MYCBP2: variants seen among roughly 807,000 people sequenced by gnomAD.
MYCBP2 encodes MYC binding protein 2, also known as E3 ubiquitin-protein ligase MYCBP2.
In MYCBP2, 120 loss-of-function variants were observed where a neutral mutation model predicts 525.3. The observed-to-expected ratio is 0.23, with a 90% CI of 0.20 to 0.27. The LOEUF (loss-of-function observed/expected upper bound fraction) is 0.27, where lower values mean the gene tolerates loss of function less well. MYCBP2 is among the 10% of genes least tolerant of loss of function. The probability of loss-of-function intolerance (pLI) is 1.00; values close to 1 mark genes in which losing one functional copy is unlikely to be tolerated. For missense variants in MYCBP2, 4,149 were observed against 5,657.1 expected (o/e 0.73, Z 8.55); for synonymous variants, 1,894 against 1,955.8 (o/e 0.97, Z 0.83).
chr13:77,084,664 C>T lies in MYCBP2; in HGVS notation c.10876-1472G>A, dbSNP rs552612589. On this transcript the variant is annotated intron_variant, in intron 62 of 82. Coordinates refer to ENST00000544440, the MANE Select transcript of MYCBP2 (RefSeq NM_015057.5). ...AAGGGCATGCCAGGAGTATTCATCA[C>T]GCTCACCCCACCTCTGGTTGGACTA... Among the ~76,000 whole-genome samples, 29 of 152,158 alleles carry T rather than the reference C, an allele frequency of 1.9e-4. No homozygotes were observed. The South Asian group carries it at 3.5e-3, about 19-fold the overall frequency.
At chr13:77,264,124 CTG>C in intron 8 of MYCBP2, 122 bp from the exon 9 acceptor site, 1 of 607,614 alleles carries the variant, frequency 1.6e-6, no homozygotes. Flanking sequence ...CAAAAGGAGA[CTG>C]TGCTTTTTAA....
chr13:77,188,857 C>T, intron 30 of MYCBP2, 94 bp downstream of exon 30: 2 of 726,132 alleles, frequency 2.8e-6, no homozygotes, highest in Admixed American at 3.1e-5. Flanking sequence ...TAAATCTAGG[C>T]TAAGATAAAC....
chr13:77,138,789 A>T (rs920789668), intron 52 of MYCBP2, among the ~76,000 whole-genome samples: 1 of 152,234 alleles, frequency 6.6e-6, no homozygotes, highest in African/African-American at 2.4e-5. Flanking sequence ...ACTATCTGCA[A>T]AATGTGAACA....
intron 4 of MYCBP2, among the ~76,000 whole-genome samples, chr13:77,275,053 T>A (rs999598952): frequency 7.9e-5 from 12 of 152,174 alleles, no homozygotes; most frequent in Non-Finnish European, 1.0e-4. Flanking sequence ...AGTACATCTG[T>A]TGATTATTCA....
In MYCBP2 at chr13:77,273,389, G is replaced by C. The variant is rs1046477500; in HGVS notation, c.945+83C>G. The C allele has an allele frequency of 9.0e-6, 11 of 1,224,488 alleles. No homozygotes were observed. The African/African-American group carries it at 1.7e-4, about 19-fold the overall frequency. 75.9% of individuals were successfully genotyped at this position (1,224,488 alleles called of 1,614,324 possible). A position where few individuals can be genotyped will look rare whatever the true frequency, so the allele number is the denominator to read the frequency against. ...AAGCTACTGTAATGAGTGAGAAAAA[G>C]CAGAATTCCTATTGACAGAAATTGA... On this transcript the variant is annotated intron_variant, in intron 5 of 82. Transcript: ENST00000544440.
intron 18 of MYCBP2, 82 bp from the exon 19 acceptor site, chr13:77,225,636 G>A: frequency 1.3e-6 from 2 of 1,517,082 alleles, no homozygotes; most frequent in East Asian, 4.6e-5. Context: ...TATTATGGAA[G>A]AACAAGAGAA....
At chr13:77,121,956 C>A (rs2050782184) in intron 54 of MYCBP2, among the ~76,000 whole-genome samples, 1 of 151,640 alleles carries the variant, frequency 6.6e-6, no homozygotes, top group South Asian at 2.1e-4. Flanking sequence ...GTTAACTGTT[C>A]TAAGTTATGA....
In MYCBP2 at chr13:77,270,050, T is replaced by C; in HGVS notation, c.1202A>G (p.Asn401Ser). ...YSGTVRGHIYNSTSRIRNRKE... is the reference protein window; with the variant it reads ...YSGTVRGHIYSSTSRIRNRKE... Reference sequence around the variant, plus strand: ...TCTGTTTCTAATACGGGATGTAGAATTGTATATATGGCCCTGCAAAAAAAA... The same window carrying C: ...TCTGTTTCTAATACGGGATGTAGAACTGTATATATGGCCCTGCAAAAAAAA... Residue 401 changes from asparagine to serine, a missense_variant, in exon 7 of 83, where the codon AAT becomes AGT. By Grantham distance (46) the Asn-to-Ser change is conservative (BLOSUM62 1). This residue lies in a region of MYCBP2 where 262 missense variants were observed against 419.3 expected (regional missense o/e 0.62). Coordinates refer to ENST00000544440, the MANE Select transcript of MYCBP2 (RefSeq NM_015057.5). 1 of 1,611,746 alleles carries C rather than the reference T, an allele frequency of 6.2e-7. No homozygotes were observed. The highest frequency in any genetic ancestry group is 8.5e-7 in the Non-Finnish European group (1 of 1,179,240).
intron 7 of MYCBP2, among the ~76,000 whole-genome samples, chr13:77,268,470 C>G (rs982917291): frequency 3.3e-5 from 5 of 152,142 alleles, no homozygotes; most frequent in Non-Finnish European, 7.4e-5. Flanking sequence ...TACTGAGAAA[C>G]TAATTTGTTA....
intron 48 of MYCBP2, 24 bp downstream of exon 48, chr13:77,146,138 A>T (rs1315812316): frequency 1.1e-5 from 17 of 1,528,942 alleles, no homozygotes; most frequent in Non-Finnish European, 1.5e-5. Flanking sequence ...TGTTTTGGTT[A>T]TACTTTGAGA....
At position 77,144,479 on chromosome 13, in the gene MYCBP2, G is replaced by A. The variant is rs758032337; in HGVS notation, c.7269C>T (p.Tyr2423=). 2 of 1,613,548 alleles carry A rather than the reference G, an allele frequency of 1.2e-6. No homozygotes were observed. The highest frequency in any genetic ancestry group is 1.7e-6 in the Non-Finnish European group (2 of 1,179,538). ...TGCCATCAATGGTAACATGAAGAGT[G>A]TAGAGTCCAATAGCCCCTGGAGTCC... The part of the protein sequence containing the change: ...ANWTPGAIGL[Y]TLHVTIDGIE... Residue 2423 remains tyrosine, a synonymous_variant, in exon 49 of 83, where the codon TAC becomes TAT. Coordinates refer to ENST00000544440, the MANE Select transcript of MYCBP2 (RefSeq NM_015057.5).
At chr13:77,322,434 A>G (rs1162527234) in intron 1 of MYCBP2, among the ~76,000 whole-genome samples, 1 of 152,136 alleles carries the variant, frequency 6.6e-6, no homozygotes, top group Admixed American at 6.5e-5. Context: ...TTTTTACCAT[A>G]TAGTCAAACA....
chr13:77,260,666 T>TAAA, intron 12 of MYCBP2, 74 bp from the exon 13 acceptor site: 1 of 1,148,978 alleles, frequency 8.7e-7, no homozygotes, highest in Non-Finnish European at 1.2e-6. Flanking sequence ...TATATAAAGC[T>TAAA]AAAAAAAAAA....
At chr13:77,284,861 A>T (rs1252226010) in intron 3 of MYCBP2, among the ~76,000 whole-genome samples, 3 of 152,182 alleles carry the variant, frequency 2.0e-5, no homozygotes, top group Non-Finnish European at 4.4e-5. Context: ...CAATCTATAG[A>T]TGACAAAACT....
Position 77,180,168 on chromosome 13 carries a change from T to C in MYCBP2, c.5092A>G (p.Ser1698Gly). The change falls in exon 34 of 83, where the codon AGC becomes GGC. Residue 1698 changes from serine (S) to glycine (G), a missense_variant. Physicochemically the swap from Ser to Gly is moderately conservative, Grantham distance 56 (BLOSUM62 0). Coordinates refer to ENST00000544440, the MANE Select transcript of MYCBP2 (RefSeq NM_015057.5). ...GACGCTGTCAGTTCACTGACAATGCTGGCCAGTAATCCACAGGTGTTAGAG... is the reference window on the plus strand; with the variant it reads ...GACGCTGTCAGTTCACTGACAATGCCGGCCAGTAATCCACAGGTGTTAGAG... ...LVSNTCGLLA[S>G]IVSELTASAL... The C allele has an allele frequency of 6.2e-7, 1 of 1,614,106 alleles. No individual in the cohort carries two copies. Among genetic ancestry groups the C allele is most frequent in the Non-Finnish European group, 8.5e-7 (1 of 1,179,974 alleles).
At position 77,189,444 on chromosome 13, in the gene MYCBP2, C is replaced by T. The variant is rs146865501; in HGVS notation, c.4155-397G>A. On this transcript the variant is annotated intron_variant, in intron 29 of 82. Coordinates refer to ENST00000544440, the MANE Select transcript of MYCBP2 (RefSeq NM_015057.5). Reference sequence around the variant, plus strand: ...TAGAGCTACATATTACAAACAGTAACTATAACAGATTGCACGGTGCATAAA... The same window carrying T: ...TAGAGCTACATATTACAAACAGTAATTATAACAGATTGCACGGTGCATAAA... Among the ~76,000 whole-genome samples the T allele has an allele frequency of 1.5e-3, 232 of 152,146 alleles. 2 individuals carry two copies. Among genetic ancestry groups the T allele is most frequent in the African/African-American group, 4.8e-3 (198 of 41,528 alleles).
At chr13:77,121,607 C>T (rs1456810095) in intron 54 of MYCBP2, 112 bp from the exon 55 acceptor site, 6 of 1,056,690 alleles carry the variant, frequency 5.7e-6, no homozygotes, top group Non-Finnish European at 7.6e-6. Flanking sequence ...TTAAAATAAG[C>T]TCACATCTAG....
chr13:77,280,189 A>G (rs1206203459), intron 3 of MYCBP2, among the ~76,000 whole-genome samples: 1 of 152,252 alleles, frequency 6.6e-6, no homozygotes, highest in Non-Finnish European at 1.5e-5. Context: ...TGGAAACAAC[A>G]GATATAGCTA....
rs757555353 is a variant in MYCBP2, at chr13:77,061,311, C to T, written c.12904-10G>A. On this transcript the variant is annotated splice_polypyrimidine_tract_variant and intron_variant, in intron 75 of 82. Transcript: ENST00000544440. Reference sequence around the variant, plus strand: ...CTTCTTCTTTGAAGACCTATTATTTCATTAAAGAACAGGGAAAAATATGCT... The same window carrying T: ...CTTCTTCTTTGAAGACCTATTATTTTATTAAAGAACAGGGAAAAATATGCT... 3.8e-6 allele frequency: 6 copies of T among 1,585,998 alleles called. No individual in the cohort carries two copies. In the Admixed American group the frequency reaches 1.1e-4, roughly 30 times the overall value.
Sources: allele counts gnomAD v4.1 joint callset (sites outside exome capture counted in the v4.1 genomes callset), GRCh38; gene constraint gnomAD v4.1.1; regional missense constraint gnomAD v4.1.1; transcripts MANE v1.5; gene names NCBI Gene and HGNC (gene_info 2026-07-23, HGNC 2026-07-21).